FAR2: variants seen among roughly 807,000 people sequenced by gnomAD.
The protein encoded by FAR2 is fatty acyl-CoA reductase 2, also known as epididymis secretory protein Li 81.
A neutral mutation model predicts 56.0 loss-of-function variants in FAR2; 19 were observed. The observed-to-expected ratio is 0.34, with a 90% CI of 0.24 to 0.50. The LOEUF (loss-of-function observed/expected upper bound fraction) is 0.50. FAR2 is among the 20% of genes least tolerant of loss of function. FAR2 has a pLI of 0.98. For synonymous variants in FAR2, 219 were observed against 218.8 expected (o/e 1.00, Z -0.01); for missense variants, 508 against 642.2 (o/e 0.79, Z 2.26).
At chr12:29,157,282 C>G (rs146577537) in intron 1 of FAR2, among the ~76,000 whole-genome samples, 1 of 151,780 alleles carries the variant, frequency 6.6e-6, no homozygotes. Context: ...TGTATTATTT[C>G]GAAGTCCTAG....
chr12:29,237,622 C>T (rs1452058022), intron 1 of FAR2, among the ~76,000 whole-genome samples: 1 of 152,172 alleles, frequency 6.6e-6, no homozygotes, highest in Non-Finnish European at 1.5e-5. Flanking sequence ...CTAGGTGAAT[C>T]TTTTCATGGA....
chr12:29,215,350 A>G (rs1947610132), intron 1 of FAR2, among the ~76,000 whole-genome samples: 1 of 152,240 alleles, frequency 6.6e-6, no homozygotes, highest in South Asian at 2.1e-4. Context: ...AGAAAAATAA[A>G]AGATGTAGAA....
At chr12:29,215,679 A>G (rs566717176) in intron 1 of FAR2, among the ~76,000 whole-genome samples, 1 of 152,344 alleles carries the variant, frequency 6.6e-6, no homozygotes, top group South Asian at 2.1e-4. Flanking sequence ...ATCATTAAAT[A>G]TTTTAGAATC....
At chr12:29,278,770 G>C (rs1948741568) in intron 2 of FAR2, among the ~76,000 whole-genome samples, 1 of 152,170 alleles carries the variant, frequency 6.6e-6, no homozygotes, top group Non-Finnish European at 1.5e-5. Context: ...TTGTGTGCTG[G>C]ACTTGATACT....
At chr12:29,244,649 C>G (rs1032228649) in intron 1 of FAR2, among the ~76,000 whole-genome samples, 2 of 152,172 alleles carry the variant, frequency 1.3e-5, no homozygotes, top group African/African-American at 4.8e-5. Flanking sequence ...ACACTGAGAG[C>G]TTCCCAGGCA....
chr12:29,207,642 T>G (rs893067381), intron 1 of FAR2, among the ~76,000 whole-genome samples: 13 of 152,140 alleles, frequency 8.5e-5, no homozygotes, highest in African/African-American at 3.1e-4. Flanking sequence ...CTGGGTAAAG[T>G]TATGATCATA....
At chr12:29,296,282 G>C (rs187888637) in intron 3 of FAR2, among the ~76,000 whole-genome samples, 1 of 152,148 alleles carries the variant, frequency 6.6e-6, no homozygotes, top group Non-Finnish European at 1.5e-5. Flanking sequence ...TAGTGTGATT[G>C]TAGGCATTAT....
At position 29,169,181 on chromosome 12, in the gene FAR2, A is replaced by G. The variant is rs578090239; in HGVS notation, c.-39+19774A>G. On this transcript the variant is annotated intron_variant, in intron 1 of 11. Transcript: ENST00000536681. ...TCACCTCTCAATCCCCCCTCTAAAC[A>G]GGACACCCCAACTGCTGTTGGGAAT... Among the ~76,000 whole-genome samples, 4 of 152,260 alleles carry G rather than the reference A, an allele frequency of 2.6e-5. No individual in the cohort carries two copies. The East Asian group carries it at 7.7e-4, about 29-fold the overall frequency.
At chr12:29,317,874 A>G (rs925827656) in intron 9 of FAR2, 12 of 152,664 alleles carry the variant, frequency 7.9e-5, no homozygotes, top group African/African-American at 2.9e-4. Flanking sequence ...GACAGGAAGG[A>G]TGTGGAGAAA....
rs751436028 is a variant in FAR2, at chr12:29,270,615, G to A, written c.166G>A (p.Val56Ile). 11 of 1,613,216 alleles carry A rather than the reference G, an allele frequency of 6.8e-6. No individual in the cohort carries two copies. In the Admixed American group the frequency reaches 1.8e-4, roughly 27 times the overall value. Residue 56 changes from valine (V) to isoleucine (I), a missense_variant, in exon 2 of 12, where the codon GTT becomes ATT. Transcript: ENST00000536681. The part of the protein sequence containing the change: ...PKAGQTLQQR[V>I]FQILDSKLFE... ...GGCTGGCCAGACACTGCAGCAGAGGGTTTTCCAGATCCTAGACAGTAAGGT... is the reference window on the plus strand; with the variant it reads ...GGCTGGCCAGACACTGCAGCAGAGGATTTTCCAGATCCTAGACAGTAAGGT...
rs139354094 is a variant in FAR2 at position 29,308,268 on chromosome 12, C to G, written c.723+433C>G. 3.3e-5 allele frequency among the ~76,000 whole-genome samples: 5 copies of G among 152,312 alleles called. No homozygotes were observed. In the East Asian group the frequency reaches 9.6e-4, roughly 29 times the overall value. On this transcript the variant is annotated intron_variant, in intron 5 of 11. Transcript: ENST00000536681. ...CTAATTTTTTTTAAACCTCAGTATA[C>G]TGTCATGACCTTTTGAAAGTACTTT...
chr12:29,257,375 A>G (rs1948338639), intron 1 of FAR2, among the ~76,000 whole-genome samples: 1 of 152,168 alleles, frequency 6.6e-6, no homozygotes, highest in Admixed American at 6.5e-5. Context: ...AAATGCACCA[A>G]TCAGCGCCCT....
chr12:29,313,623 C>A (rs1949390925), intron 8 of FAR2, among the ~76,000 whole-genome samples: 1 of 152,014 alleles, frequency 6.6e-6, no homozygotes, highest in South Asian at 2.1e-4. Flanking sequence ...CTTTCAGTTT[C>A]TACTGGAATC....
chr12:29,206,762 T>C (rs1190964867), intron 1 of FAR2, among the ~76,000 whole-genome samples: 3 of 152,166 alleles, frequency 2.0e-5, no homozygotes, highest in Non-Finnish European at 4.4e-5. Flanking sequence ...AGGACTGATG[T>C]AACTACAGTG....
At chr12:29,279,047 G>A (rs1591922117) in intron 2 of FAR2, among the ~76,000 whole-genome samples, 2 of 152,290 alleles carry the variant, frequency 1.3e-5, no homozygotes, top group South Asian at 4.1e-4. Flanking sequence ...AAAACCCATA[G>A]AGGGAAATTC....
chr12:29,262,313 C>T (rs1053993080), intron 1 of FAR2, among the ~76,000 whole-genome samples: 8 of 151,894 alleles, frequency 5.3e-5, no homozygotes, highest in African/African-American at 9.7e-5. Flanking sequence ...GAAAAACATA[C>T]AATGGATACC....
chr12:29,274,608 A>T (rs1043449325), intron 2 of FAR2, among the ~76,000 whole-genome samples: 10 of 152,048 alleles, frequency 6.6e-5, no homozygotes, highest in Admixed American at 6.5e-4. Flanking sequence ...CTGCACGTAC[A>T]CATCCAGCTG....
intron 1 of FAR2, among the ~76,000 whole-genome samples, chr12:29,210,403 G>C (rs1369116290): frequency 6.6e-6 from 1 of 152,164 alleles, no homozygotes; most frequent in Admixed American, 6.5e-5. Context: ...TCCAAGCCCA[G>C]GTTCTTTGTG....
In FAR2 at chr12:29,168,076, T is replaced by G. The variant is rs573841405; in HGVS notation, c.-39+18669T>G. Among the ~76,000 whole-genome samples, 20 of 152,284 alleles carry G rather than the reference T, an allele frequency of 1.3e-4. No individual in the cohort carries two copies. The East Asian group carries it at 3.7e-3, about 28-fold the overall frequency. Reference sequence around the variant, plus strand: ...TTTTTTTACGCAGGATTCCAGAAAGTAGCAGAGGGTGGGATCTTGATAACG... The same window carrying G: ...TTTTTTTACGCAGGATTCCAGAAAGGAGCAGAGGGTGGGATCTTGATAACG... On this transcript the variant is annotated intron_variant, in intron 1 of 11. Coordinates refer to ENST00000536681, the MANE Select transcript of FAR2 (RefSeq NM_001271783.2).
Sources: allele counts gnomAD v4.1 joint callset (sites outside exome capture counted in the v4.1 genomes callset), GRCh38; gene constraint gnomAD v4.1.1; transcripts MANE v1.5; gene names NCBI Gene and HGNC (gene_info 2026-07-23, HGNC 2026-07-21).